The following TLN2 variants were observed in gnomAD, a reference collection of about 807,000 sequenced individuals.
The protein encoded by TLN2 is talin 2, also known as talin-2.
Under a neutral mutation model 294.7 loss-of-function variants are expected in TLN2, and 118 were observed. The observed-to-expected ratio is 0.40, with a 90% CI of 0.34 to 0.47. The LOEUF is 0.47. Ranked by LOEUF, TLN2 falls within the 20% of genes least tolerant of loss-of-function variation. The pLI is 0.84. For missense variants in TLN2, 3,083 were observed against 3,282.2 expected (o/e 0.94, Z 1.48); for synonymous variants, 1,431 against 1,304.5 (o/e 1.10, Z -2.09).
intron 41 of TLN2, among the ~76,000 whole-genome samples, chr15:62,768,111 G>A (rs145243104): frequency 6.6e-6 from 1 of 152,320 alleles, no homozygotes; most frequent in Non-Finnish European, 1.5e-5. Context: ...CTTCATTGCA[G>A]TGCTCGTGTG....
intron 32 of TLN2, among the ~76,000 whole-genome samples, chr15:62,744,886 C>G (rs1402852963): frequency 6.6e-6 from 1 of 151,540 alleles, no homozygotes; most frequent in Non-Finnish European, 1.5e-5. Flanking sequence ...ATAACAGGAC[C>G]CTGGGAATAC....
chr15:62,693,586 T>C (rs929258382), intron 13 of TLN2, among the ~76,000 whole-genome samples: 1 of 136,506 alleles, frequency 7.3e-6, no homozygotes, highest in African/African-American at 2.7e-5. Flanking sequence ...GGGCCAAAAA[T>C]GATCTTTGTA....
rs71125999 is a variant in TLN2, at chr15:62,442,494, G to GA, written c.-238+51832dup. On this transcript the variant is annotated intron_variant, in intron 1 of 58. Coordinates refer to ENST00000636159, the MANE Select transcript of TLN2 (RefSeq NM_015059.3). ...GGGCACAGAGTGAGACTCTGTCTCA[G>GA]AAAAAAAAAAAAAAAAAAAAAAATT... 1.0e-3 allele frequency among the ~76,000 whole-genome samples: 88 copies of GA among 87,868 alleles called. 2 individuals are homozygous for GA. Among genetic ancestry groups the GA allele is most frequent in the African/African-American group, 3.4e-3 (81 of 23,938 alleles). The allele number at this position is 87,868 out of a possible 152,430, so 57.6% of individuals were successfully genotyped here.
intron 9 of TLN2, among the ~76,000 whole-genome samples, chr15:62,673,263 G>A (rs2055672882): frequency 7.3e-6 from 1 of 136,084 alleles, no homozygotes; most frequent in Non-Finnish European, 1.5e-5. Flanking sequence ...TAGTTATGCT[G>A]TCAGCTTGAT....
At chr15:62,574,685 G>A (rs1468142447) in intron 1 of TLN2, among the ~76,000 whole-genome samples, 3 of 144,264 alleles carry the variant, frequency 2.1e-5, no homozygotes, top group African/African-American at 7.6e-5. Context: ...ACTGAGGTAT[G>A]ATCATTCCAG....
At chr15:62,625,899 G>A (rs2049240494) in intron 3 of TLN2, among the ~76,000 whole-genome samples, 2 of 152,170 alleles carry the variant, frequency 1.3e-5, no homozygotes, top group Admixed American at 1.3e-4. Context: ...CCACTCCTGT[G>A]TGAGTGTGCA....
chr15:62,762,212 C>A, intron 38 of TLN2, 60 bp from the exon 39 acceptor site: 1 of 1,582,122 alleles, frequency 6.3e-7, no homozygotes, highest in Non-Finnish European at 8.7e-7. Flanking sequence ...CCTTTCAGGG[C>A]CCACGTCATT....
intron 1 of TLN2, among the ~76,000 whole-genome samples, chr15:62,468,160 C>T (rs1220965293): frequency 6.6e-6 from 1 of 150,942 alleles, no homozygotes; most frequent in Admixed American, 6.6e-5. Flanking sequence ...AATAAATTTC[C>T]AAAATAAATT....
chr15:62,751,380 C>T (rs964252112), intron 34 of TLN2, among the ~76,000 whole-genome samples: 3 of 152,216 alleles, frequency 2.0e-5, no homozygotes, highest in Non-Finnish European at 4.4e-5. Flanking sequence ...TTTCCTCATC[C>T]AGTACCTTTT....
intron 11 of TLN2, among the ~76,000 whole-genome samples, chr15:62,681,344 A>G (rs967753277): frequency 1.3e-5 from 2 of 152,228 alleles, no homozygotes; most frequent in Admixed American, 1.3e-4. Context: ...ATAGGATTCT[A>G]TTAGAAACTC....
intron 1 of TLN2, among the ~76,000 whole-genome samples, chr15:62,491,386 A>ACACACT (rs2038718307): frequency 7.7e-6 from 1 of 129,372 alleles, no homozygotes; most frequent in Admixed American, 7.8e-5. Flanking sequence ...ACACACACAC[A>ACACACT]CACACACACA....
At chr15:62,474,602 T>A (rs141465474) in intron 1 of TLN2, among the ~76,000 whole-genome samples, 31 of 152,302 alleles carry the variant, frequency 2.0e-4, no homozygotes, top group African/African-American at 7.2e-4. Flanking sequence ...GATTGCACCA[T>A]TGTCCTCCAG....
chr15:62,444,512 C>G (rs954101204), intron 1 of TLN2, among the ~76,000 whole-genome samples: 6 of 152,208 alleles, frequency 3.9e-5, no homozygotes, highest in African/African-American at 1.4e-4. Flanking sequence ...GTCCATATGT[C>G]TGCTTTCTAA....
intron 45 of TLN2, among the ~76,000 whole-genome samples, chr15:62,791,516 A>G (rs1453950567): frequency 2.0e-5 from 3 of 152,190 alleles, no homozygotes; most frequent in Non-Finnish European, 1.5e-5. Context: ...TAATATGAGA[A>G]ATAACAATTG....
intron 2 of TLN2, among the ~76,000 whole-genome samples, chr15:62,613,459 C>G (rs1189550343): frequency 6.6e-6 from 1 of 152,150 alleles, no homozygotes; most frequent in Non-Finnish European, 1.5e-5. Context: ...AAATGGAACT[C>G]ATGTACACTG....
At chr15:62,697,168 C>A (rs896135966) in intron 14 of TLN2, among the ~76,000 whole-genome samples, 1 of 152,132 alleles carries the variant, frequency 6.6e-6, no homozygotes, top group African/African-American at 2.4e-5. Flanking sequence ...AGTACAGTGG[C>A]GCGATCATAG....
chr15:62,391,889 C>G (rs544246800), intron 1 of TLN2, among the ~76,000 whole-genome samples: 5 of 152,266 alleles, frequency 3.3e-5, no homozygotes, highest in Non-Finnish European at 7.3e-5. Context: ...CAGCCGGAGC[C>G]GTGCGCTGGG....
At position 62,564,610 on chromosome 15, in the gene TLN2, G is replaced by A. The variant is rs534846337; in HGVS notation, c.-237-25077G>A. On this transcript the variant is annotated intron_variant, in intron 1 of 58. Transcript: ENST00000636159. ...GCATTACTTTTCCTATGCTGTGTAA[G>A]ATGTTGCATTCCCAGGCCAGGCACA... Among the ~76,000 whole-genome samples the A allele has an allele frequency of 5.3e-4, 81 of 152,128 alleles. 1 individual carries two copies. Among genetic ancestry groups the A allele is most frequent in the Middle Eastern group, 6.8e-3 (2 of 294 alleles).
At chr15:62,741,744 T>C (rs1439036324) in intron 32 of TLN2, among the ~76,000 whole-genome samples, 1 of 12,730 alleles carries the variant, frequency 7.9e-5, no homozygotes, top group East Asian at 5.3e-3. Flanking sequence ...TTTTAAAATT[T>C]GCGCGTGTGT....
Sources: gnomAD v4.1 joint callset for allele counts (sites outside exome capture counted in the v4.1 genomes callset) on GRCh38, gnomAD v4.1.1 for gene constraint, MANE v1.5 for transcripts, NCBI Gene and HGNC (gene_info 2026-07-23, HGNC 2026-07-21) for gene names.